The following FABP3 variants were observed in gnomAD, a reference collection of about 807,000 sequenced individuals.
FABP3 encodes the protein fatty acid binding protein 3.
In FABP3, 8 loss-of-function variants were observed where a neutral mutation model predicts 13.4. That is an observed-to-expected ratio of 0.60 (90% CI 0.35 to 1.07). The LOEUF is 1.07. Among genes scored for constraint, FABP3 ranks in the 50% least tolerant of loss-of-function variants. The probability of loss-of-function intolerance (pLI) is 0.02; values close to 1 mark genes in which losing one functional copy is unlikely to be tolerated. For missense variants in FABP3, 135 were observed against 164.7 expected, an observed-to-expected ratio of 0.82 and a Z score of 0.99; for synonymous variants, 64 against 60.0, an observed-to-expected ratio of 1.07 and a Z score of -0.31.
downstream of FABP3, among the ~76,000 whole-genome samples, chr1:31,363,774 G>A (rs1298519270): frequency 1.3e-5 from 2 of 152,140 alleles, no homozygotes; most frequent in Non-Finnish European, 2.9e-5. Flanking sequence ...GCAACAGAGC[G>A]AGACTGTCTA....
chr1:31,369,486 T>A lies in FABP3; in HGVS notation c.145A>T (p.Ile49Phe), dbSNP rs1170285369. ...GTGCTGTGTGTTTTTAGGGTGAGAA[T>A]GTCCCCATTCTTTTCGATGATTGTG... ...PTTIIEKNGD[I>F]LTLKTHSTFK... Residue 49 changes from isoleucine to phenylalanine, a missense_variant, in exon 2 of 4, where the codon ATT (isoleucine) becomes TTT (phenylalanine). By Grantham distance (21) the Ile-to-Phe change is conservative. Transcript: ENST00000373713. 6.2e-7 allele frequency: 1 copy of A among 1,614,214 alleles called. No individual in the cohort carries two copies. Among genetic ancestry groups the A allele is most frequent in the South Asian group, 1.1e-5 (1 of 91,080 alleles).
rs1339812010 is a variant in FABP3 at position 31,369,500 on chromosome 1, T to G, written c.131A>C (p.Glu44Ala). The G allele has an allele frequency of 6.2e-7, 1 of 1,614,182 alleles. No homozygotes were observed. The highest frequency in any genetic ancestry group is 1.7e-5 in the Admixed American group (1 of 60,028). The change falls in exon 2 of 4, where the codon GAA becomes GCA. Residue 44 changes from glutamate (E) to alanine (A), a missense_variant. Coordinates refer to ENST00000373713, the MANE Select transcript of FABP3 (RefSeq NM_004102.5). ...ASMTKPTTII[E>A]KNGDILTLKT... ...TAGGGTGAGAATGTCCCCATTCTTT[T>G]CGATGATTGTGGTAGGCTTGGTCAT... is the stretch of plus-strand genomic sequence containing the variant.
At chr1:31,361,786 ATTATTTATTTAT>A (rs3049344), downstream of FABP3, among the ~76,000 whole-genome samples, 83 of 145,908 alleles carry the variant, frequency 5.7e-4, no homozygotes, top group Middle Eastern at 3.5e-3. Context: ...AGAGGGGGAG[ATTATTTATTTAT>A]TTATTTATTT....
rs564942628 is a variant in FABP3, at chr1:31,367,343, G to A, written c.348+50C>T. On this transcript the variant is annotated intron_variant, in intron 3 of 3. Coordinates refer to ENST00000373713, the MANE Select transcript of FABP3 (RefSeq NM_004102.5). ...CTTTTTAGAACAGGCTTGGCTGAAA[G>A]AGCAGTAGTAATAACCAATCAGATA... The A allele has an allele frequency of 1.7e-5, 24 of 1,444,960 alleles. No homozygotes were observed. In the African/African-American group the frequency reaches 3.1e-4, roughly 18 times the overall value. The allele number at this position is 1,444,960 out of a possible 1,614,324, so 89.5% of individuals were successfully genotyped here.
At chr1:31,366,062 A>T in intron 3 of FABP3, 123 bp from the exon 4 acceptor site, 2 of 574,862 alleles carry the variant, frequency 3.5e-6, no homozygotes, top group East Asian at 3.2e-5. Context: ...ATATGTATGT[A>T]TGTGTGTGTG....
chr1:31,369,787 A>G (rs141615188), intron 1 of FABP3, among the ~76,000 whole-genome samples: 1 of 152,320 alleles, frequency 6.6e-6, no homozygotes, highest in East Asian at 1.9e-4. Context: ...TGCCATAGCA[A>G]GTCAGTGGCA....
At chr1:31,372,081 T>TTG (rs1287539752) in intron 1 of FABP3, among the ~76,000 whole-genome samples, 1 of 152,170 alleles carries the variant, frequency 6.6e-6, no homozygotes, top group Non-Finnish European at 1.5e-5. Context: ...ACCTGTGAGA[T>TTG]TCTTTGAATC....
chr1:31,363,556 C>G, downstream of FABP3, among the ~76,000 whole-genome samples: 1 of 152,148 alleles, frequency 6.6e-6, no homozygotes, highest in African/African-American at 2.4e-5. Flanking sequence ...CTTCGGGAGG[C>G]CAAGGTGGGC....
downstream of FABP3, among the ~76,000 whole-genome samples, chr1:31,360,894 T>C (rs566629787): frequency 1.1e-4 from 17 of 152,344 alleles, no homozygotes; most frequent in African/African-American, 4.1e-4. Flanking sequence ...AAGATAAGGA[T>C]GCAAAAAGCT....
Position 31,365,772 on chromosome 1 carries a change from C to T in FABP3, c.*114G>A, listed in dbSNP as rs183264861. 24 of 972,762 alleles carry T rather than the reference C, an allele frequency of 2.5e-5. No homozygotes were observed. In the East Asian group the frequency reaches 6.0e-4, roughly 24 times the overall value. 60.3% of individuals were successfully genotyped at this position (972,762 alleles called of 1,614,324 possible). Reference sequence around the variant, plus strand: ...CTGGATCCCGGTCAGTGGCACCTGACCCCAGAAGAATTCGTGGATTTGTAC... The same window carrying T: ...CTGGATCCCGGTCAGTGGCACCTGATCCCAGAAGAATTCGTGGATTTGTAC... On this transcript the variant is annotated 3_prime_UTR_variant, in exon 4 of 4. Transcript: ENST00000373713.
At chr1:31,362,270 G>A (rs1182543877), downstream of FABP3, among the ~76,000 whole-genome samples, 1 of 152,168 alleles carries the variant, frequency 6.6e-6, no homozygotes, top group Non-Finnish European at 1.5e-5. Flanking sequence ...ATTTTTCACA[G>A]CCAGCTTCTA....
At chr1:31,365,252 C>A (rs1478067005), downstream of FABP3, among the ~76,000 whole-genome samples, 1 of 152,182 alleles carries the variant, frequency 6.6e-6, no homozygotes, top group Non-Finnish European at 1.5e-5. Flanking sequence ...TTTTCTCCCA[C>A]CACCATGGTA....
At chr1:31,363,999 A>C, downstream of FABP3, 3 of 1,607,688 alleles carry the variant, frequency 1.9e-6, no homozygotes, top group Non-Finnish European at 2.5e-6. Flanking sequence ...AAATATACAC[A>C]TACAGTGTTG....
At chr1:31,363,566 C>T (rs901219343), downstream of FABP3, among the ~76,000 whole-genome samples, 2 of 152,068 alleles carry the variant, frequency 1.3e-5, no homozygotes, top group African/African-American at 4.8e-5. Context: ...CCAAGGTGGG[C>T]AGATTGCTTG....
At chr1:31,363,374 G>A (rs532792163), downstream of FABP3, among the ~76,000 whole-genome samples, 14 of 152,030 alleles carry the variant, frequency 9.2e-5, no homozygotes, top group East Asian at 2.5e-3. Flanking sequence ...TAGTAGAGAC[G>A]GGGTTTCACC....
chr1:31,362,377 C>T (rs1275097006), downstream of FABP3, among the ~76,000 whole-genome samples: 1 of 152,184 alleles, frequency 6.6e-6, no homozygotes, highest in Non-Finnish European at 1.5e-5. Context: ...ATACTTTCTC[C>T]CTCTTCTTAG....
At chr1:31,364,286 C>CT, downstream of FABP3, 1 of 1,470,346 alleles carries the variant, frequency 6.8e-7, no homozygotes, top group Non-Finnish European at 9.0e-7. Flanking sequence ...AGAATATAGC[C>CT]TCCCACCCCA....
At chr1:31,372,449 C>T (rs147397907) in intron 1 of FABP3, among the ~76,000 whole-genome samples, 5 of 152,236 alleles carry the variant, frequency 3.3e-5, no homozygotes, top group Middle Eastern at 3.4e-3. Context: ...TCCTGTCTTA[C>T]GTCCTTCTCA....
In FABP3 at chr1:31,365,872, A is replaced by G. The variant is rs367796823; in HGVS notation, c.*14T>C. The G allele has an allele frequency of 1.9e-5, 31 of 1,613,514 alleles. No individual in the cohort carries two copies. Among genetic ancestry groups the G allele is most frequent in the Non-Finnish European group, 2.4e-5 (28 of 1,179,596 alleles). ...CCGATTGGCAGAGTAGTAGTCAGCA[A>G]CAGTGCAGTCAGGTCATGCCTCTTT... is the stretch of plus-strand genomic sequence containing the variant. On this transcript the variant is annotated 3_prime_UTR_variant, in exon 4 of 4. Coordinates refer to ENST00000373713, the MANE Select transcript of FABP3 (RefSeq NM_004102.5).
Sources: allele counts gnomAD v4.1 joint callset (sites outside exome capture counted in the v4.1 genomes callset), GRCh38; gene constraint gnomAD v4.1.1; transcripts MANE v1.5; gene names NCBI Gene and HGNC (gene_info 2026-07-23, HGNC 2026-07-21).